PLXNA2: variants seen among roughly 807,000 people sequenced by gnomAD.
The protein encoded by PLXNA2 is plexin-A2.
A neutral mutation model predicts 193.5 loss-of-function variants in PLXNA2; 91 were observed. The observed-to-expected ratio is 0.47, with a 90% CI of 0.40 to 0.56. The LOEUF is 0.56. Among genes scored for constraint, PLXNA2 ranks in the 20% least tolerant of loss-of-function variants. The pLI, the probability that PLXNA2 is intolerant of heterozygous loss-of-function variation, is 0.00. For missense variants in PLXNA2, 1,995 were observed against 2,503.2 expected (o/e 0.80, Z 4.33); for synonymous variants, 997 against 1,027.3 (o/e 0.97, Z 0.56).
At chr1:208,157,194 T>C (rs994417318) in intron 3 of PLXNA2, among the ~76,000 whole-genome samples, 1 of 152,214 alleles carries the variant, frequency 6.6e-6, no homozygotes, top group Non-Finnish European at 1.5e-5. Context: ...CTTTATGACT[T>C]GGCTGCTGGG....
intron 6 of PLXNA2, among the ~76,000 whole-genome samples, chr1:208,098,458 T>TCTCTCTCACACACACA (rs368366958): frequency 8.1e-6 from 1 of 123,428 alleles, no homozygotes; most frequent in African/African-American, 3.2e-5. Context: ...TCTCTCTCTC[T>TCTCTCTCACACACACA]CACACACACA....
intron 2 of PLXNA2, among the ~76,000 whole-genome samples, chr1:208,212,933 T>C (rs937154367): frequency 6.6e-6 from 1 of 152,244 alleles, no homozygotes; most frequent in Non-Finnish European, 1.5e-5. Flanking sequence ...AGTTTTCTCA[T>C]CTGTAAAGTA....
At chr1:208,086,191 TACTC>T (rs1666513984) in intron 9 of PLXNA2, among the ~76,000 whole-genome samples, 1 of 152,202 alleles carries the variant, frequency 6.6e-6, no homozygotes, top group African/African-American at 2.4e-5. Flanking sequence ...GGCTGCATCT[TACTC>T]ACCTCCATCT....
At chr1:208,181,554 G>A (rs766802858) in intron 3 of PLXNA2, among the ~76,000 whole-genome samples, 4 of 152,286 alleles carry the variant, frequency 2.6e-5, no homozygotes, top group Non-Finnish European at 4.4e-5. Context: ...TCCACCTCCC[G>A]TCAGCCCTGT....
chr1:208,234,975 T>C (rs574265828), intron 1 of PLXNA2, among the ~76,000 whole-genome samples: 1 of 152,190 alleles, frequency 6.6e-6, no homozygotes, highest in Non-Finnish European at 1.5e-5. Context: ...GCAGGAGAGA[T>C]GCAAGCCCTG....
At chr1:208,058,437 C>T (rs775731297) in intron 13 of PLXNA2, among the ~76,000 whole-genome samples, 58 of 152,196 alleles carry the variant, frequency 3.8e-4, no homozygotes, top group African/African-American at 1.3e-3. Context: ...GAATCCTGCC[C>T]GCGCCCAGGA....
chr1:208,232,232 C>T (rs1055923828), intron 1 of PLXNA2, among the ~76,000 whole-genome samples: 2 of 152,194 alleles, frequency 1.3e-5, no homozygotes, highest in Admixed American at 6.5e-5. Flanking sequence ...GACCACTGTG[C>T]CAGTCTCCCT....
At chr1:208,172,681 T>A (rs1262005420) in intron 3 of PLXNA2, among the ~76,000 whole-genome samples, 1 of 152,212 alleles carries the variant, frequency 6.6e-6, no homozygotes, top group Non-Finnish European at 1.5e-5. Flanking sequence ...GATCTCATCA[T>A]GTCCTTGGAT....
chr1:208,108,682 T>C (rs936748076), intron 4 of PLXNA2, among the ~76,000 whole-genome samples: 8 of 152,212 alleles, frequency 5.3e-5, no homozygotes, highest in African/African-American at 1.9e-4. Flanking sequence ...AGCACTTACA[T>C]TGTACTCAAC....
intron 12 of PLXNA2, 117 bp downstream of exon 12, chr1:208,079,143 T>C (rs1279090277): frequency 1.7e-5 from 15 of 861,966 alleles, no homozygotes; most frequent in Non-Finnish European, 2.5e-5. Flanking sequence ...CCCCCCCACA[T>C]TAAACTCACT....
intron 3 of PLXNA2, among the ~76,000 whole-genome samples, chr1:208,173,723 G>A (rs1394538939): frequency 6.6e-6 from 1 of 152,224 alleles, no homozygotes; most frequent in Non-Finnish European, 1.5e-5. Context: ...GTGAGTGGAG[G>A]ATTTGCCAAT....
chr1:208,187,771 C>T (rs991519061), intron 3 of PLXNA2, among the ~76,000 whole-genome samples: 7 of 152,148 alleles, frequency 4.6e-5, no homozygotes, highest in Non-Finnish European at 1.0e-4. Context: ...GGGATAAAAC[C>T]TGCAGGTGTT....
chr1:208,104,029 C>T (rs999511562), intron 4 of PLXNA2, among the ~76,000 whole-genome samples: 2 of 152,154 alleles, frequency 1.3e-5, no homozygotes, highest in Non-Finnish European at 2.9e-5. Flanking sequence ...AAAGACCAGG[C>T]AAGGGGGCCA....
chr1:208,196,121 C>T (rs1670351948), intron 3 of PLXNA2, among the ~76,000 whole-genome samples: 1 of 152,072 alleles, frequency 6.6e-6, no homozygotes, highest in African/African-American at 2.4e-5. Context: ...CATGAACTTG[C>T]CCAACATCAG....
chr1:208,184,482 G>A (rs979593770), intron 3 of PLXNA2, among the ~76,000 whole-genome samples: 11 of 151,842 alleles, frequency 7.2e-5, no homozygotes, highest in African/African-American at 2.7e-4. Context: ...TGGGTGTGGT[G>A]TCATTACCCT....
chr1:208,134,155 C>T lies in PLXNA2; in HGVS notation c.1506+8174G>A, dbSNP rs186124332. 3.6e-3 allele frequency among the ~76,000 whole-genome samples: 555 copies of T among 152,288 alleles called. 2 individuals carry two copies. Among genetic ancestry groups the T allele is most frequent in the Admixed American group, 7.1e-3 (108 of 15,298 alleles). ...TCAAAATAAGAGGCTGGAGTTTTCT[C>T]TCTTAAATACAGCAAGCCAAGTGTC... On this transcript the variant is annotated intron_variant, in intron 4 of 31. Coordinates refer to ENST00000367033, the MANE Select transcript of PLXNA2 (RefSeq NM_025179.4).
At chr1:208,094,234 G>A (rs1300638245) in intron 8 of PLXNA2, among the ~76,000 whole-genome samples, 4 of 152,218 alleles carry the variant, frequency 2.6e-5, no homozygotes, top group African/African-American at 7.2e-5. Context: ...CTAGCTAGAT[G>A]TGGCTCTTCC....
chr1:208,057,240 G>T (rs1288896381), intron 13 of PLXNA2, among the ~76,000 whole-genome samples: 1 of 152,182 alleles, frequency 6.6e-6, no homozygotes, highest in Non-Finnish European at 1.5e-5. Flanking sequence ...TACAGACAAT[G>T]AAACTAAGGC....
At chr1:208,071,224 G>A (rs1665966036) in intron 12 of PLXNA2, among the ~76,000 whole-genome samples, 1 of 152,178 alleles carries the variant, frequency 6.6e-6, no homozygotes, top group African/African-American at 2.4e-5. Context: ...AGTCCCATCA[G>A]CATCCTCAGC....
Sources: gnomAD v4.1 joint callset for allele counts (sites outside exome capture counted in the v4.1 genomes callset) on GRCh38, gnomAD v4.1.1 for gene constraint, MANE v1.5 for transcripts, NCBI Gene and HGNC (gene_info 2026-07-23, HGNC 2026-07-21) for gene names.